CFAP61: variants seen among roughly 807,000 people sequenced by gnomAD.
The protein encoded by CFAP61 is cilia and flagella associated protein 61, also known as cilia- and flagella-associated protein 61.
A neutral mutation model predicts 135.6 loss-of-function variants in CFAP61; 107 were observed. The observed-to-expected ratio is 0.79, with a 90% confidence interval of 0.67 to 0.93. The LOEUF (loss-of-function observed/expected upper bound fraction) is 0.93, where lower values mean the gene tolerates loss of function less well. Ranked by LOEUF, CFAP61 falls within the 40% of genes least tolerant of loss-of-function variation. The pLI, the probability that CFAP61 is intolerant of heterozygous loss-of-function variation, is 0.00. For synonymous variants in CFAP61, 575 were observed against 578.5 expected (o/e 0.99, Z 0.09); for missense variants, 1,507 against 1,556.2 (o/e 0.97, Z 0.53).
At chr20:20,149,423 C>A (rs75043155) in intron 9 of CFAP61, among the ~76,000 whole-genome samples, 2 of 152,130 alleles carry the variant, frequency 1.3e-5, no homozygotes, top group Admixed American at 6.5e-5. Flanking sequence ...ACTTTTGCTT[C>A]GGAAACCATC....
chr20:20,061,319 A>C (rs954054254), intron 2 of CFAP61, among the ~76,000 whole-genome samples: 1 of 152,256 alleles, frequency 6.6e-6, no homozygotes, highest in African/African-American at 2.4e-5. Context: ...AAATTTTACT[A>C]TATCAGCAAT....
rs535910714 is a variant in CFAP61, at chr20:20,158,007, C to T, written c.952-1363C>T. 1.6e-4 allele frequency among the ~76,000 whole-genome samples: 24 copies of T among 150,994 alleles called. No individual in the cohort carries two copies. In the South Asian group the frequency reaches 3.1e-3, roughly 20 times the overall value. ...ATCGCAAGAACAAAAAACCAAACAC[C>T]GCATATTCTCACTCATAGGTGGGAA... On this transcript the variant is annotated intron_variant, in intron 9 of 26. Coordinates refer to ENST00000245957, the MANE Select transcript of CFAP61 (RefSeq NM_015585.4).
At chr20:20,063,481 A>C (rs139216898) in intron 2 of CFAP61, among the ~76,000 whole-genome samples, 1 of 152,240 alleles carries the variant, frequency 6.6e-6, no homozygotes, top group African/African-American at 2.4e-5. Context: ...TAATTCATCA[A>C]ATTAACAAAG....
chr20:20,090,762 A>G, intron 6 of CFAP61, 82 bp from the exon 7 acceptor site: 1 of 1,418,106 alleles, frequency 7.1e-7, no homozygotes, highest in Non-Finnish European at 9.8e-7. Context: ...CACTTAGAAC[A>G]GGGTCTGGCA....
chr20:20,152,056 C>A lies in CFAP61; in HGVS notation c.952-7314C>A, dbSNP rs898353027. Among the ~76,000 whole-genome samples the A allele has an allele frequency of 2.6e-5, 4 of 152,030 alleles. No individual in the cohort carries two copies. The East Asian group carries it at 7.7e-4, about 29-fold the overall frequency. On this transcript the variant is annotated intron_variant, in intron 9 of 26. Coordinates refer to ENST00000245957, the MANE Select transcript of CFAP61 (RefSeq NM_015585.4). The stretch of plus-strand genomic sequence containing the variant: ...ACTACAAGCCAGAAGGGATTGGGTC[C>A]TATCTTTAGCTCCTCAAACAAAATA...
At chr20:20,061,663 G>A in intron 2 of CFAP61, among the ~76,000 whole-genome samples, 1 of 152,184 alleles carries the variant, frequency 6.6e-6, no homozygotes, top group East Asian at 1.9e-4. Flanking sequence ...TTCTAAAATA[G>A]ATAAAAGTGA....
At chr20:20,085,110 T>C (rs1358033214) in intron 6 of CFAP61, 2 of 985,372 alleles carry the variant, frequency 2.0e-6, no homozygotes, top group African/African-American at 3.5e-5. Context: ...TGTGCTGATC[T>C]ATAAACTCCG....
At position 20,260,738 on chromosome 20, in the gene CFAP61, A is replaced by G. The variant is rs549630579; in HGVS notation, c.2329-2218A>G. Among the ~76,000 whole-genome samples, 52 of 152,364 alleles carry G rather than the reference A, an allele frequency of 3.4e-4. 1 individual carries two copies. Among genetic ancestry groups the G allele is most frequent in the African/African-American group, 1.2e-3 (51 of 41,580 alleles). ...GAAATGATAACTCATTGAAACTTTT[A>G]TAAATGAAGTAGCTCTCAATTTGTT... On this transcript the variant is annotated intron_variant, in intron 20 of 26. Coordinates refer to ENST00000245957, the MANE Select transcript of CFAP61 (RefSeq NM_015585.4).
chr20:20,209,422 G>A (rs1030950499), intron 17 of CFAP61, among the ~76,000 whole-genome samples: 1 of 152,170 alleles, frequency 6.6e-6, no homozygotes, highest in Non-Finnish European at 1.5e-5. Context: ...ATTTGAAAAT[G>A]AAAACTTGTG....
At position 20,052,593 on chromosome 20, in the gene CFAP61, TG is replaced by T; in HGVS notation, c.-37+5del. The stretch of plus-strand genomic sequence containing the variant: ...CGGCGTCCTGGAGCTGCGGATGAGG[TG>T]GGTAACGCCGTGCTGACTAGCAGCG... On this transcript the variant is annotated splice_donor_region_variant and intron_variant, in intron 1 of 26. Transcript: ENST00000245957. 6.2e-7 allele frequency: 1 copy of T among 1,613,774 alleles called. No individual in the cohort carries two copies. Among genetic ancestry groups the T allele is most frequent in the Non-Finnish European group, 8.5e-7 (1 of 1,179,870 alleles).
chr20:20,109,573 A>G (rs2048654073), intron 8 of CFAP61, among the ~76,000 whole-genome samples: 1 of 152,174 alleles, frequency 6.6e-6, no homozygotes, highest in African/African-American at 2.4e-5. Context: ...GACTTCAGCA[A>G]GGCAGACTCC....
intron 7 of CFAP61, among the ~76,000 whole-genome samples, chr20:20,091,528 A>G (rs563021476): frequency 1.4e-4 from 21 of 151,728 alleles, no homozygotes; most frequent in Admixed American, 1.1e-3. Flanking sequence ...TCTCTCATGT[A>G]TATTCTGAAC....
At chr20:20,237,454 G>A (rs1299812835) in intron 18 of CFAP61, among the ~76,000 whole-genome samples, 3 of 152,168 alleles carry the variant, frequency 2.0e-5, no homozygotes, top group Non-Finnish European at 4.4e-5. Flanking sequence ...CAGGGAGAGA[G>A]CTTGTAACCT....
At chr20:20,212,949 C>T (rs1041514796) in intron 17 of CFAP61, among the ~76,000 whole-genome samples, 3 of 152,146 alleles carry the variant, frequency 2.0e-5, no homozygotes, top group Non-Finnish European at 4.4e-5. Context: ...CACAAACAGA[C>T]CAGGAGGCAC....
At chr20:20,303,407 T>C (rs1374178875) in intron 25 of CFAP61, among the ~76,000 whole-genome samples, 2 of 152,194 alleles carry the variant, frequency 1.3e-5, no homozygotes, top group African/African-American at 2.4e-5. Flanking sequence ...GAGGTGCCGA[T>C]GGACATCTGT....
intron 23 of CFAP61, among the ~76,000 whole-genome samples, chr20:20,289,756 C>T (rs1245131520): frequency 6.6e-6 from 1 of 152,182 alleles, no homozygotes; most frequent in Non-Finnish European, 1.5e-5. Context: ...AAGGTGGTGG[C>T]CGTAGGCAGG....
intron 26 of CFAP61, among the ~76,000 whole-genome samples, chr20:20,356,953 T>C (rs71336716): frequency 3.4e-4 from 8 of 23,194 alleles, no homozygotes; most frequent in East Asian, 2.8e-3. Context: ...GAGGTGGTCA[T>C]AGTGTGAGGG....
chr20:20,184,399 T>C (rs2055349450), intron 13 of CFAP61, among the ~76,000 whole-genome samples: 1 of 152,154 alleles, frequency 6.6e-6, no homozygotes, highest in African/African-American at 2.4e-5. Flanking sequence ...CTGCCATCTT[T>C]GTCAAATTTT....
intron 19 of CFAP61, among the ~76,000 whole-genome samples, chr20:20,250,716 T>A (rs2050815416): frequency 6.6e-6 from 1 of 152,214 alleles, no homozygotes; most frequent in Non-Finnish European, 1.5e-5. Flanking sequence ...ACTCTCAGTA[T>A]TCAGAACAGA....
Sources: gnomAD v4.1 joint callset for allele counts (sites outside exome capture counted in the v4.1 genomes callset) on GRCh38, gnomAD v4.1.1 for gene constraint, MANE v1.5 for transcripts, NCBI Gene and HGNC (gene_info 2026-07-23, HGNC 2026-07-21) for gene names.